The following KAT2B variants were observed in gnomAD, a reference collection of about 807,000 sequenced individuals.
KAT2B encodes lysine acetyltransferase 2B, also known as histone acetyltransferase KAT2B.
KAT2B carries 36 observed loss-of-function variants against 105.9 expected under a neutral mutation model. The observed-to-expected ratio is 0.34, with a 90% confidence interval of 0.26 to 0.45. The LOEUF is 0.45. Ranked by LOEUF, KAT2B falls within the 20% of genes least tolerant of loss-of-function variation. The pLI is 1.00. For missense variants in KAT2B, 820 were observed against 1,021.6 expected, an observed-to-expected ratio of 0.80 and a Z score of 2.69; for synonymous variants, 397 against 377.9, an observed-to-expected ratio of 1.05 and a Z score of -0.59.
At chr3:20,054,301 G>A (rs1185398033) in intron 1 of KAT2B, among the ~76,000 whole-genome samples, 2 of 151,768 alleles carry the variant, frequency 1.3e-5, no homozygotes, top group East Asian at 3.9e-4. Context: ...GCTAATTTTT[G>A]TATCTTTAGT....
intron 12 of KAT2B, 116 bp downstream of exon 12, chr3:20,137,168 T>G: frequency 1.6e-6 from 1 of 624,038 alleles, no homozygotes; most frequent in Non-Finnish European, 2.9e-6. Flanking sequence ...GAACAGGCAT[T>G]TGTTTTACAA....
rs765885080 is a variant in KAT2B at position 20,152,431 on chromosome 3, A to G, written c.2405A>G (p.Tyr802Cys). ...CGAGTCTTTACCAATTGCAAAGAGT[A>G]CAACCCCCCTGAGAGTGAATACTAC... ...LQRVFTNCKE[Y>C]NPPESEYYKC... The change falls in exon 18 of 18, where the codon TAC (tyrosine) becomes TGC (cysteine). Residue 802 changes from tyrosine to cysteine, a missense_variant. Coordinates refer to ENST00000263754, the MANE Select transcript of KAT2B (RefSeq NM_003884.5). 6.2e-7 allele frequency: 1 copy of G among 1,613,442 alleles called. No homozygotes were observed. Among genetic ancestry groups the G allele is most frequent in the Non-Finnish European group, 8.5e-7 (1 of 1,179,472 alleles).
intron 17 of KAT2B, 60 bp downstream of exon 17, chr3:20,148,547 C>A: frequency 8.3e-7 from 1 of 1,205,164 alleles, no homozygotes; most frequent in South Asian, 1.4e-5. Context: ...GTGTGGGGGA[C>A]AAATGGTTGC....
At chr3:20,100,221 G>T (rs528639698) in intron 4 of KAT2B, among the ~76,000 whole-genome samples, 5 of 152,176 alleles carry the variant, frequency 3.3e-5, no homozygotes, top group Non-Finnish European at 5.9e-5. Flanking sequence ...CATGTAGTTT[G>T]TAAGAAGAAC....
At position 20,119,595 on chromosome 3, in the gene KAT2B, C is replaced by T. The variant is rs1014799044; in HGVS notation, c.1151-3C>T. On this transcript the variant is annotated splice_region_variant and splice_polypyrimidine_tract_variant and intron_variant, in intron 7 of 17. Transcript: ENST00000263754. ...ACACCTTCTTCTCCTTTTGCCGGGG[C>T]AGTTATCAATCCACCTCCTGTGGCT... 2 of 1,613,898 alleles carry T rather than the reference C, an allele frequency of 1.2e-6. No individual in the cohort carries two copies. The highest frequency in any genetic ancestry group is 8.5e-7 in the Non-Finnish European group (1 of 1,179,804).
chr3:20,046,899 T>C (rs922205919), intron 1 of KAT2B, among the ~76,000 whole-genome samples: 6 of 152,088 alleles, frequency 3.9e-5, no homozygotes, highest in Non-Finnish European at 5.9e-5. Flanking sequence ...AACTGGCAAC[T>C]AGTGAGTGGA....
intron 3 of KAT2B, 24 bp from the exon 4 acceptor site, chr3:20,099,838 T>C: frequency 2.2e-6 from 3 of 1,346,396 alleles, no homozygotes; most frequent in Non-Finnish European, 3.2e-6. Context: ...TTTCTTTTTC[T>C]TTTTTTTAAT....
intron 1 of KAT2B, among the ~76,000 whole-genome samples, chr3:20,047,168 T>A (rs1459386709): frequency 6.6e-6 from 1 of 150,526 alleles, no homozygotes; most frequent in African/African-American, 2.4e-5. Context: ...CCTCCCACCC[T>A]AGTCTCCCAA....
At chr3:20,055,795 GCCT>G (rs1697994310) in intron 1 of KAT2B, among the ~76,000 whole-genome samples, 1 of 152,134 alleles carries the variant, frequency 6.6e-6, no homozygotes, top group African/African-American at 2.4e-5. Context: ...GAAAATTTCT[GCCT>G]GCTCCTTGCC....
At position 20,040,799 on chromosome 3, in the gene KAT2B, C is replaced by T. The variant is rs1317448179; in HGVS notation, c.303+19C>T. 1.3e-6 allele frequency: 2 copies of T among 1,578,874 alleles called. No individual in the cohort carries two copies. The highest frequency in any genetic ancestry group is 2.2e-5 in the South Asian group (2 of 89,994). On this transcript the variant is annotated intron_variant, in intron 1 of 17. Coordinates refer to ENST00000263754, the MANE Select transcript of KAT2B (RefSeq NM_003884.5). The stretch of plus-strand genomic sequence containing the variant: ...CTGCAAGGTACGCGCTCGCCGCTCT[C>T]GGACCGCGGATGGGTGCTAGGGGCC...
intron 5 of KAT2B, among the ~76,000 whole-genome samples, chr3:20,107,109 T>G (rs1699035100): frequency 7.7e-6 from 1 of 129,452 alleles, no homozygotes; most frequent in Non-Finnish European, 1.6e-5. Context: ...CTTGGCTCAC[T>G]GCAACCTCCA....
intron 11 of KAT2B, among the ~76,000 whole-genome samples, chr3:20,133,861 G>C (rs1295980460): frequency 2.0e-5 from 3 of 152,110 alleles, no homozygotes; most frequent in Admixed American, 6.6e-5. Flanking sequence ...AGAGCGCTCT[G>C]ATCACTATTG....
intron 6 of KAT2B, 68 bp downstream of exon 6, chr3:20,111,855 G>A (rs1411399219): frequency 6.5e-6 from 8 of 1,222,040 alleles, no homozygotes; most frequent in African/African-American, 1.5e-5. Flanking sequence ...CAATGCCAAA[G>A]CCTGCATAAA....
At chr3:20,068,957 A>C (rs1330106981) in intron 1 of KAT2B, among the ~76,000 whole-genome samples, 3 of 152,180 alleles carry the variant, frequency 2.0e-5, no homozygotes, top group Non-Finnish European at 4.4e-5. Context: ...TGCGGCAACT[A>C]AGAGAGGTTG....
intron 11 of KAT2B, among the ~76,000 whole-genome samples, chr3:20,134,397 TTTG>T (rs1044518186): frequency 2.6e-5 from 4 of 152,166 alleles, no homozygotes; most frequent in Admixed American, 6.5e-5. Context: ...TTTTGTTGTT[TTTG>T]TTGTTGTTGT....
rs757901772 is a variant in KAT2B at position 20,068,647 on chromosome 3, A to T, written c.304-3686A>T. On this transcript the variant is annotated intron_variant, in intron 1 of 17. Coordinates refer to ENST00000263754, the MANE Select transcript of KAT2B (RefSeq NM_003884.5). ...GGCTACCCCTAATGTAATCTCCAGG[A>T]GAGCAGAATCTTTGTTTCATAGTCA... Among the ~76,000 whole-genome samples the T allele has an allele frequency of 3.9e-4, 60 of 152,080 alleles. 1 individual carries two copies. Among genetic ancestry groups the T allele is most frequent in the Non-Finnish European group, 2.1e-4 (14 of 68,026 alleles).
At position 20,079,202 on chromosome 3, in the gene KAT2B, C is replaced by CT. The variant is rs61697250; in HGVS notation, c.430+6763dup. Among the ~76,000 whole-genome samples, 897 of 102,172 alleles carry CT rather than the reference C, an allele frequency of 8.8e-3. 9 individuals carry two copies. Among genetic ancestry groups the CT allele is most frequent in the Middle Eastern group, 0.032 (5 of 158 alleles). The allele number at this position is 102,172 out of a possible 152,430, so 67.0% of individuals were successfully genotyped here. A position where few individuals can be genotyped will look rare whatever the true frequency, so the allele number is the denominator to read the frequency against. ...AGGCATGAGCCACCACACCTGGCCT[C>CT]TTTTTTTTTTTTTTTTTTTTGCCAC... On this transcript the variant is annotated intron_variant, in intron 2 of 17. Coordinates refer to ENST00000263754, the MANE Select transcript of KAT2B (RefSeq NM_003884.5).
chr3:20,108,209 T>C (rs902958683), intron 5 of KAT2B, among the ~76,000 whole-genome samples: 1 of 152,196 alleles, frequency 6.6e-6, no homozygotes, highest in Non-Finnish European at 1.5e-5. Flanking sequence ...TTGTGTTTAA[T>C]GGGAAAACAT....
chr3:20,065,139 A>G (rs1333655739), intron 1 of KAT2B, among the ~76,000 whole-genome samples: 2 of 152,160 alleles, frequency 1.3e-5, no homozygotes, highest in Admixed American at 1.3e-4. Flanking sequence ...TGGGATGAAA[A>G]CATTATCCCA....
Sources: allele counts gnomAD v4.1 joint callset (sites outside exome capture counted in the v4.1 genomes callset), GRCh38; gene constraint gnomAD v4.1.1; transcripts MANE v1.5; gene names NCBI Gene and HGNC (gene_info 2026-07-23, HGNC 2026-07-21).